Variants in KLHL30 observed in about 807,000 individuals in gnomAD.
KLHL30 encodes kelch-like protein 30.
KLHL30 carries 55 observed loss-of-function variants against 55.0 expected under a neutral mutation model. The observed-to-expected ratio is 1.00, with a 90% confidence interval of 0.80 to 1.25. The LOEUF is 1.25. Ranked by LOEUF, KLHL30 falls within the 50% of genes most tolerant of loss-of-function variation. The pLI, the probability that KLHL30 is intolerant of heterozygous loss-of-function variation, is 0.00. For missense variants in KLHL30, 786 were observed against 811.6 expected (o/e 0.97, Z 0.38); for synonymous variants, 356 against 372.6 (o/e 0.96, Z 0.51).
intron 1 of KLHL30, among the ~76,000 whole-genome samples, chr2:238,139,064 C>T (rs958153246): frequency 6.6e-6 from 1 of 152,162 alleles, no homozygotes; most frequent in African/African-American, 2.4e-5. Flanking sequence ...TGTTGTCCTG[C>T]CCACTCGGCT....
At chr2:238,139,834 ATCTC>A (rs1248603967) in intron 1 of KLHL30, among the ~76,000 whole-genome samples, 1 of 152,148 alleles carries the variant, frequency 6.6e-6, no homozygotes, top group Non-Finnish European at 1.5e-5. Flanking sequence ...CACAGACTTG[ATCTC>A]TCCTAGGGAT....
At chr2:238,149,639 C>T (rs961382272) in intron 7 of KLHL30, among the ~76,000 whole-genome samples, 3 of 152,134 alleles carry the variant, frequency 2.0e-5, no homozygotes, top group Admixed American at 6.5e-5. Flanking sequence ...CAGGTTCAGC[C>T]GGAGGGTACT....
At position 238,147,048 on chromosome 2, in the gene KLHL30, C is replaced by T. The variant is rs1281150789; in HGVS notation, c.1151-786C>T. On this transcript the variant is annotated intron_variant, in intron 5 of 7. Coordinates refer to ENST00000409223, the MANE Select transcript of KLHL30 (RefSeq NM_198582.4). This position sits in a 1 kb window ranked among gnomAD's most constrained non-coding sequence, Gnocchi z 5.8. ...GGCAGGCATGGTGTCACGTGCCAGC[C>T]GAGGTAGGAGTATCGCTGAGCCTGA... Among the ~76,000 whole-genome samples the T allele has an allele frequency of 2.7e-5, 4 of 149,622 alleles. No homozygotes were observed. Among genetic ancestry groups the T allele is most frequent in the Admixed American group, 6.7e-5 (1 of 14,916 alleles).
Position 238,147,736 on chromosome 2 carries a change from C to T in KLHL30, c.1151-98C>T. On this transcript the variant is annotated intron_variant, in intron 5 of 7. Coordinates refer to ENST00000409223, the MANE Select transcript of KLHL30 (RefSeq NM_198582.4). This position sits in a 1 kb window ranked among gnomAD's most constrained non-coding sequence, Gnocchi z 5.8. ...CTGTGAAATGGGGAGCCCACCCCAC[C>T]TCCCACCACTTTGCTGCCTTACAAA... The T allele has an allele frequency of 1.4e-6, 1 of 726,602 alleles. No homozygotes were observed. Among genetic ancestry groups the T allele is most frequent in the Admixed American group, 4.2e-5 (1 of 23,778 alleles). 45.0% of individuals were successfully genotyped at this position (726,602 alleles called of 1,614,324 possible).
At chr2:238,143,664 G>A (rs969758502) in intron 3 of KLHL30, among the ~76,000 whole-genome samples, 32 of 152,252 alleles carry the variant, frequency 2.1e-4, no homozygotes, top group African/African-American at 6.8e-4. Flanking sequence ...TCTCCTTGGC[G>A]TCAGCGGCTG....
At chr2:238,146,330 G>T (rs1692648098) in intron 5 of KLHL30, among the ~76,000 whole-genome samples, 1 of 150,992 alleles carries the variant, frequency 6.6e-6, no homozygotes, top group South Asian at 2.1e-4. Flanking sequence ...ATGTTACCCA[G>T]GAGTTTGAGA....
intron 3 of KLHL30, among the ~76,000 whole-genome samples, chr2:238,144,432 A>AAGGAAGGAAGGAAGGCAGGCAGGCAGGC (rs1692608040): frequency 2.5e-4 from 21 of 82,448 alleles, no homozygotes; most frequent in Admixed American, 4.9e-4. Flanking sequence ...GGAAGGAAGG[A>AAGGAAGGAAGGAAGGCAGGCAGGCAGGC]AGGCAGGCAG....
At chr2:238,143,911 T>G (rs1692585982) in intron 3 of KLHL30, among the ~76,000 whole-genome samples, 1 of 152,202 alleles carries the variant, frequency 6.6e-6, no homozygotes, top group Non-Finnish European at 1.5e-5. Flanking sequence ...GGCCTGGAAT[T>G]CCGCATCTCC....
rs538160787 is a variant in KLHL30 at position 238,143,035 on chromosome 2, G to A, written c.907+104G>A. 3.6e-5 allele frequency: 48 copies of A among 1,330,716 alleles called. No individual in the cohort carries two copies. In the South Asian group the frequency reaches 5.6e-4, roughly 15 times the overall value. The allele number at this position is 1,330,716 out of a possible 1,614,324, so 82.4% of individuals were successfully genotyped here. ...GAGCGCATGAGGCTCGCAGAGGACCGGGAGCTGTGTGAGGCCCCTGTGAGG... is the reference window on the plus strand; with the variant it reads ...GAGCGCATGAGGCTCGCAGAGGACCAGGAGCTGTGTGAGGCCCCTGTGAGG... On this transcript the variant is annotated intron_variant, in intron 3 of 7. Transcript: ENST00000409223.
At position 238,150,851 on chromosome 2, in the gene KLHL30, T is replaced by C; in HGVS notation, c.1523T>C (p.Leu508Pro). 6.3e-7 allele frequency: 1 copy of C among 1,593,140 alleles called. No homozygotes were observed. The highest frequency in any genetic ancestry group is 8.5e-7 in the Non-Finnish European group (1 of 1,171,388). ...CACAGCCTGCATGAGAATGGCGCGC[T>C]GGTGCCACTGGGTGATGCGCTGTAC... ...SQHSLHENGA[L>P]VPLGDALYVT... is the part of the protein sequence containing the mutation. Residue 508 changes from leucine (L) to proline (P), a missense_variant, in exon 8 of 8, where the codon CTG becomes CCG. Physicochemically the swap from Leu to Pro is moderately conservative, Grantham distance 98. Transcript: ENST00000409223.
At chr2:238,149,268 A>G (rs1173570420) in intron 7 of KLHL30, 116 bp downstream of exon 7, 14 of 1,392,416 alleles carry the variant, frequency 1.0e-5, no homozygotes, top group Non-Finnish European at 1.3e-5. Context: ...CGAAGGGGAC[A>G]GCGCAGGCTG....
In KLHL30 at chr2:238,144,437, AGGC is replaced by A. The variant is rs1559276086; in HGVS notation, c.908-464_908-462del. On this transcript the variant is annotated intron_variant, in intron 3 of 7. Transcript: ENST00000409223. ...AAGGAAGGAAGGAAGGAAGGAAGGC[AGGC>A]AGGCAGGCAGGCAGGCAGGCAGGCA... 5.2e-3 allele frequency among the ~76,000 whole-genome samples: 481 copies of A among 91,992 alleles called. 10 individuals are homozygous for A. Among genetic ancestry groups the A allele is most frequent in the Middle Eastern group, 0.016 (3 of 186 alleles). The allele number at this position is 91,992 out of a possible 152,430, so 60.4% of individuals were successfully genotyped here. A position where few individuals can be genotyped will look rare whatever the true frequency, so the allele number is the denominator to read the frequency against.
chr2:238,140,138 C>T (rs1472417967), intron 1 of KLHL30, among the ~76,000 whole-genome samples: 1 of 152,216 alleles, frequency 6.6e-6, no homozygotes, highest in Non-Finnish European at 1.5e-5. Context: ...TCAGTCTCCC[C>T]AGCTGTAAAA....
At position 238,140,843 on chromosome 2, in the gene KLHL30, C is replaced by T; in HGVS notation, c.89C>T (p.Pro30Leu). The change falls in exon 2 of 8, where the codon CCC becomes CTC. Residue 30 changes from proline to leucine, a missense_variant. Coordinates refer to ENST00000409223, the MANE Select transcript of KLHL30 (RefSeq NM_198582.4). ...LDGLQRLRSQ[P>L]KLADVTLLVG... Reference sequence around the variant, plus strand: ...GGCCTGCAGCGCCTGCGCTCTCAGCCCAAGCTGGCCGACGTCACACTGCTG... The same window carrying T: ...GGCCTGCAGCGCCTGCGCTCTCAGCTCAAGCTGGCCGACGTCACACTGCTG... 1 of 1,610,452 alleles carries T rather than the reference C, an allele frequency of 6.2e-7. No individual in the cohort carries two copies. The highest frequency in any genetic ancestry group is 8.5e-7 in the Non-Finnish European group (1 of 1,178,208).
rs779319958 is a variant in KLHL30 at position 238,147,911 on chromosome 2, A to G, written c.1228A>G (p.Lys410Glu). The change falls in exon 6 of 8, where the codon AAA becomes GAA. Residue 410 changes from lysine (K) to glutamate (E), a missense_variant. By Grantham distance (56) the Lys-to-Glu change is moderately conservative. Coordinates refer to ENST00000409223, the MANE Select transcript of KLHL30 (RefSeq NM_198582.4). The surrounding 1 kb of genome is among the most constrained non-coding windows in gnomAD (Gnocchi z 5.8). ...CTGGACGCCCGTCAGCCCGGCCCTC[A>G]AATACGTCAGCAACTTCTCGGCTGC... ...DSWTPVSPAL[K>E]YVSNFSAAGC... The G allele has an allele frequency of 6.2e-6, 10 of 1,603,808 alleles. No individual in the cohort carries two copies. The East Asian group carries it at 2.0e-4, about 33-fold the overall frequency.
At chr2:238,148,878 C>T (rs1692696380) in intron 6 of KLHL30, 129 bp from the exon 7 acceptor site, 1 of 904,640 alleles carries the variant, frequency 1.1e-6, no homozygotes, top group Non-Finnish European at 1.7e-6. Context: ...GGGACCTACT[C>T]CCATTTCACA....
At position 238,141,088 on chromosome 2, in the gene KLHL30, C is replaced by T. The variant is rs200853211; in HGVS notation, c.334C>T (p.Arg112Cys). Residue 112 changes from arginine (R) to cysteine (C), a missense_variant, in exon 2 of 8, where the codon CGC (arginine) becomes TGC (cysteine). Physicochemically the swap from Arg to Cys is radical, Grantham distance 180 (BLOSUM62 -3). Coordinates refer to ENST00000409223, the MANE Select transcript of KLHL30 (RefSeq NM_198582.4). Reference protein sequence around the residue: ...NVEALTRTAARLHFPSVQKVC... With the variant: ...NVEALTRTAACLHFPSVQKVC... Reference sequence around the variant, plus strand: ...GGAGGCGCTGACACGCACGGCTGCGCGCCTGCACTTCCCCTCGGTGCAGAA... The same window carrying T: ...GGAGGCGCTGACACGCACGGCTGCGTGCCTGCACTTCCCCTCGGTGCAGAA... 3.3e-4 allele frequency: 530 copies of T among 1,608,746 alleles called. 1 individual carries two copies. The African/African-American group carries it at 5.9e-3, about 18-fold the overall frequency.
intron 7 of KLHL30, among the ~76,000 whole-genome samples, chr2:238,149,997 G>A (rs1315240033): frequency 6.6e-6 from 1 of 152,184 alleles, no homozygotes; most frequent in Non-Finnish European, 1.5e-5. Flanking sequence ...CTGGCCTGGT[G>A]ACAGCAGGAC....
In KLHL30 at chr2:238,151,110, C is replaced by T; in HGVS notation, c.*45C>T. The stretch of plus-strand genomic sequence containing the variant: ...GGGAGGAGTCCCCACAGCGGCCCCT[C>T]ATCAGCCTGTGGAACGGCCCCTTTC... On this transcript the variant is annotated 3_prime_UTR_variant, in exon 8 of 8. Transcript: ENST00000409223. 6.5e-7 allele frequency: 1 copy of T among 1,546,284 alleles called. No individual in the cohort carries two copies. Among genetic ancestry groups the T allele is most frequent in the African/African-American group, 1.4e-5 (1 of 73,270 alleles).
Sources: allele counts gnomAD v4.1 joint callset (sites outside exome capture counted in the v4.1 genomes callset), GRCh38; gene constraint gnomAD v4.1.1; non-coding constraint Gnocchi (gnomAD v3.1); transcripts MANE v1.5; gene names NCBI Gene and HGNC (gene_info 2026-07-23, HGNC 2026-07-21).